Variants in TBC1D22A observed in about 807,000 individuals in gnomAD.
The protein encoded by TBC1D22A is putative GTPase activator.
Under a neutral mutation model 60.2 loss-of-function variants are expected in TBC1D22A, and 38 were observed. The ratio of observed to expected loss-of-function variants is 0.63; its 90% CI spans 0.49 to 0.83. TBC1D22A has a LOEUF of 0.83. Among genes scored for constraint, TBC1D22A ranks in the 40% least tolerant of loss-of-function variants. The pLI, the probability that TBC1D22A is intolerant of heterozygous loss-of-function variation, is 0.00. For synonymous variants in TBC1D22A, 302 were observed against 281.7 expected (o/e 1.07, Z -0.72); for missense variants, 628 against 701.0 (o/e 0.90, Z 1.18).
chr22:46,811,606 C>G (rs1299957061), intron 4 of TBC1D22A, among the ~76,000 whole-genome samples: 1 of 152,176 alleles, frequency 6.6e-6, no homozygotes, highest in Non-Finnish European at 1.5e-5. Flanking sequence ...GAGCTGCGTG[C>G]TGAGCGCGTT....
At chr22:46,904,537 T>C (rs1361412366) in intron 7 of TBC1D22A, among the ~76,000 whole-genome samples, 1 of 151,840 alleles carries the variant, frequency 6.6e-6, no homozygotes, top group Non-Finnish European at 1.5e-5. Flanking sequence ...GGTGTGATCT[T>C]GGCTCTCAGC....
At chr22:46,932,047 G>A (rs577625996) in intron 8 of TBC1D22A, among the ~76,000 whole-genome samples, 11 of 152,248 alleles carry the variant, frequency 7.2e-5, no homozygotes, top group Admixed American at 2.0e-4. Context: ...CTGATGTTAC[G>A]CGGTTTCTTT....
chr22:46,941,597 A>AAT (rs1048527172), intron 8 of TBC1D22A, among the ~76,000 whole-genome samples: 3 of 148,192 alleles, frequency 2.0e-5, no homozygotes, highest in African/African-American at 7.4e-5. Context: ...ATATATACGG[A>AAT]ATATATATAC....
intron 4 of TBC1D22A, among the ~76,000 whole-genome samples, chr22:46,868,479 A>T (rs558730869): frequency 2.0e-5 from 3 of 152,158 alleles, no homozygotes; most frequent in Non-Finnish European, 4.4e-5. Flanking sequence ...CTGGAAAAAA[A>T]CCCAGAATTC....
chr22:47,033,508 G>A (rs372895730), intron 10 of TBC1D22A, among the ~76,000 whole-genome samples: 2 of 152,092 alleles, frequency 1.3e-5, no homozygotes, highest in East Asian at 3.9e-4. Flanking sequence ...ACTGGGGGCC[G>A]GGGAAACAAA....
intron 11 of TBC1D22A, among the ~76,000 whole-genome samples, chr22:47,052,496 G>C (rs952016259): frequency 1.4e-4 from 22 of 152,290 alleles, no homozygotes; most frequent in African/African-American, 5.1e-4. Flanking sequence ...GGAGCATTGT[G>C]TACAGAGAGA....
intron 7 of TBC1D22A, among the ~76,000 whole-genome samples, chr22:46,906,235 T>C (rs1487901024): frequency 6.6e-6 from 1 of 152,208 alleles, no homozygotes; most frequent in Non-Finnish European, 1.5e-5. Flanking sequence ...TTTCTTACTT[T>C]CTAAATTAAT....
chr22:46,967,710 C>A (rs1334853170), intron 8 of TBC1D22A, among the ~76,000 whole-genome samples: 1 of 152,234 alleles, frequency 6.6e-6, no homozygotes, highest in Non-Finnish European at 1.5e-5. Context: ...CCAAGCTCTT[C>A]CATGTAGTTT....
chr22:47,039,735 C>G (rs2062776170), intron 11 of TBC1D22A, among the ~76,000 whole-genome samples: 1 of 140,098 alleles, frequency 7.1e-6, no homozygotes, highest in East Asian at 2.0e-4. Context: ...AAAGAAATAC[C>G]TGGGCCTGGG....
chr22:46,878,799 C>A, intron 5 of TBC1D22A, 76 bp downstream of exon 5: 1 of 1,399,358 alleles, frequency 7.1e-7, no homozygotes, highest in Non-Finnish European at 1.0e-6. Context: ...TGAGTAGGGC[C>A]TGACAGCCAC....
chr22:46,923,429 T>G (rs966985897), intron 8 of TBC1D22A, among the ~76,000 whole-genome samples: 1 of 152,252 alleles, frequency 6.6e-6, no homozygotes, highest in Non-Finnish European at 1.5e-5. Context: ...GCAGTGTGAA[T>G]CTGGGCCCTT....
At chr22:46,996,303 G>C (rs566747566) in intron 9 of TBC1D22A, among the ~76,000 whole-genome samples, 2 of 152,258 alleles carry the variant, frequency 1.3e-5, no homozygotes, top group Non-Finnish European at 2.9e-5. Context: ...GCCATCCCCA[G>C]TGTCACTCCC....
intron 4 of TBC1D22A, among the ~76,000 whole-genome samples, chr22:46,837,444 C>T (rs2086572624): frequency 6.6e-6 from 1 of 152,162 alleles, no homozygotes; most frequent in African/African-American, 2.4e-5. Flanking sequence ...GTAGAATGCA[C>T]ATTCTTCTCA....
chr22:46,818,144 ATT>A (rs376166091), intron 4 of TBC1D22A, among the ~76,000 whole-genome samples: 3 of 152,210 alleles, frequency 2.0e-5, no homozygotes, highest in African/African-American at 7.2e-5. Flanking sequence ...GATTCTGGAT[ATT>A]AGACCTTTGT....
Position 46,950,728 on chromosome 22 carries a change from T to C in TBC1D22A, c.1016-23562T>C, listed in dbSNP as rs187886013. ...TAGATGTGCGCGAATGACGGGTGAG[T>C]GTGGAGGAGAATCTGAAGAGGTAGA... On this transcript the variant is annotated intron_variant, in intron 8 of 12. Coordinates refer to ENST00000337137, the MANE Select transcript of TBC1D22A (RefSeq NM_014346.5). Among the ~76,000 whole-genome samples the C allele has an allele frequency of 2.1e-3, 320 of 152,032 alleles. 1 individual carries two copies. Among genetic ancestry groups the C allele is most frequent in the African/African-American group, 7.3e-3 (304 of 41,420 alleles).
chr22:47,111,847 G>A (rs2065860912), intron 12 of TBC1D22A, among the ~76,000 whole-genome samples: 2 of 152,232 alleles, frequency 1.3e-5, no homozygotes, highest in South Asian at 2.1e-4. Context: ...TGTGTGACAA[G>A]CTCCCTGCAG....
chr22:47,175,364 A>T lies in TBC1D22A; in HGVS notation c.*1738A>T, dbSNP rs2068647141. The T allele has an allele frequency of 6.6e-6, 1 of 150,540 alleles. No homozygotes were observed. The highest frequency in any genetic ancestry group is 2.5e-5 in the African/African-American group (1 of 39,752). 9.3% of individuals were successfully genotyped at this position (150,540 alleles called of 1,614,324 possible). ...TAGATGGGGAGGGGATTCCGTCACA[A>T]GAAGAGCCGCCCCTCGGCCGTGTGC... is the stretch of plus-strand genomic sequence containing the variant. On this transcript the variant is annotated 3_prime_UTR_variant, in exon 13 of 13. Coordinates refer to ENST00000337137, the MANE Select transcript of TBC1D22A (RefSeq NM_014346.5).
chr22:47,077,866 T>C (rs1569423962), intron 11 of TBC1D22A, among the ~76,000 whole-genome samples: 1 of 152,214 alleles, frequency 6.6e-6, no homozygotes, highest in Admixed American at 6.5e-5. Flanking sequence ...CTGTGCGCCA[T>C]GATTTGAAAA....
At chr22:46,922,152 C>T (rs772234009) in intron 8 of TBC1D22A, among the ~76,000 whole-genome samples, 10 of 152,296 alleles carry the variant, frequency 6.6e-5, no homozygotes, top group Non-Finnish European at 1.2e-4. Flanking sequence ...GTCCTTTCTC[C>T]ATTGCTTGTT....
Sources: allele counts gnomAD v4.1 joint callset (sites outside exome capture counted in the v4.1 genomes callset), GRCh38; gene constraint gnomAD v4.1.1; transcripts MANE v1.5; gene names NCBI Gene and HGNC (gene_info 2026-07-23, HGNC 2026-07-21).